Variants in APOOL observed in about 807,000 individuals in gnomAD.
APOOL encodes MICOS complex subunit MIC27.
APOOL carries 12 observed loss-of-function variants against 23.1 expected under a neutral mutation model. That is an observed-to-expected ratio of 0.52 (90% CI 0.33 to 0.84). The LOEUF is 0.84. Ranked by LOEUF, APOOL falls within the 40% of genes least tolerant of loss-of-function variation. The pLI, the probability that APOOL is intolerant of heterozygous loss-of-function variation, is 0.02. For synonymous variants in APOOL, 77 were observed against 69.9 expected (o/e 1.10, Z -0.51); for missense variants, 212 against 199.6 (o/e 1.06, Z -0.37).
chrX:85,054,378 A>G lies in APOOL; in HGVS notation c.275A>G (p.Asp92Gly), dbSNP rs776141433. Reference protein sequence around the residue: ...VYVFVKNGIMDTVQFGKDAYV... With the variant: ...VYVFVKNGIMGTVQFGKDAYV... ...GTCTTTGTGAAAAATGGGATAATGG[A>G]TACAGTACAATTTGGAAAAGGTAGG... is the stretch of plus-strand genomic sequence containing the variant. The change falls in exon 4 of 9, where the codon GAT becomes GGT. Residue 92 changes from aspartate (D) to glycine (G), a missense_variant. Transcript: ENST00000373173. 8.4e-7 allele frequency: 1 copy of G among 1,188,507 alleles called. No individual in the cohort carries two copies. The highest frequency in any genetic ancestry group is 1.9e-5 in the South Asian group (1 of 52,867).
intron 1 of APOOL, among the ~76,000 whole-genome samples, chrX:85,033,029 G>A (rs1922097402): frequency 8.9e-6 from 1 of 112,067 alleles, no homozygotes; most frequent in Non-Finnish European, 1.9e-5. Context: ...TATTGAGCCC[G>A]GAAATAGTCT....
At chrX:85,026,686 C>G (rs1250530992) in intron 1 of APOOL, among the ~76,000 whole-genome samples, 1 of 111,745 alleles carries the variant, frequency 8.9e-6, no homozygotes, top group African/African-American at 3.3e-5. Flanking sequence ...CATCAGATCC[C>G]TAGGACATGG....
chrX:85,011,441 A>G (rs1699489499), intron 1 of APOOL, among the ~76,000 whole-genome samples: 1 of 111,641 alleles, frequency 9.0e-6, no homozygotes. Context: ...AGTTTTTCTG[A>G]TGTTATCTTC....
At chrX:85,003,955 C>T in intron 1 of APOOL, 28 bp downstream of exon 1, 2 of 1,210,509 alleles carry the variant, frequency 1.7e-6, no homozygotes, top group Admixed American at 2.2e-5. Flanking sequence ...TGCTTAATTT[C>T]TGTGGGTGCC....
chrX:85,042,091 A>G (rs770660754), intron 1 of APOOL, among the ~76,000 whole-genome samples: 1 of 112,082 alleles, frequency 8.9e-6, no homozygotes, highest in South Asian at 3.7e-4. Flanking sequence ...CAGTAGAAGA[A>G]AAGAAATAAT....
At chrX:85,070,573 A>G (rs936027551) in intron 6 of APOOL, among the ~76,000 whole-genome samples, 1 of 111,977 alleles carries the variant, frequency 8.9e-6, no homozygotes, top group African/African-American at 3.2e-5. Flanking sequence ...ACAATATTTA[A>G]TTGATGAATA....
At chrX:85,042,220 A>T (rs898747233) in intron 1 of APOOL, among the ~76,000 whole-genome samples, 2 of 112,244 alleles carry the variant, frequency 1.8e-5, no homozygotes, top group Non-Finnish European at 3.8e-5. Context: ...AGACTAACAA[A>T]ACAAAAGAGA....
intron 1 of APOOL, among the ~76,000 whole-genome samples, chrX:85,031,916 A>T (rs1922050497): frequency 8.9e-6 from 1 of 112,083 alleles, no homozygotes; most frequent in African/African-American, 3.2e-5. Flanking sequence ...ATCATCTTTT[A>T]TTGGAGTGCT....
At chrX:85,028,787 G>T (rs1285779585) in intron 1 of APOOL, among the ~76,000 whole-genome samples, 1 of 110,813 alleles carries the variant, frequency 9.0e-6, no homozygotes, top group Non-Finnish European at 1.9e-5. Flanking sequence ...GAGAACATAC[G>T]ATCTTTGTCT....
chrX:85,063,472 C>G (rs1289589239), intron 5 of APOOL, among the ~76,000 whole-genome samples: 1 of 111,396 alleles, frequency 9.0e-6, no homozygotes, highest in East Asian at 2.8e-4. Flanking sequence ...CCAGCCTTTG[C>G]CCATTCATTA....
intron 5 of APOOL, among the ~76,000 whole-genome samples, chrX:85,059,597 G>A (rs1205896840): frequency 9.1e-6 from 1 of 109,436 alleles, no homozygotes; most frequent in Non-Finnish European, 1.9e-5. Context: ...GTATCTCATC[G>A]TGGTTTTGAT....
At chrX:85,077,087 A>G (rs1329177707) in intron 8 of APOOL, among the ~76,000 whole-genome samples, 1 of 100,968 alleles carries the variant, frequency 9.9e-6, no homozygotes, top group African/African-American at 3.7e-5. Context: ...ATATATATAT[A>G]TATATACACA....
At chrX:85,044,094 A>T (rs1266474234) in intron 1 of APOOL, among the ~76,000 whole-genome samples, 1 of 111,255 alleles carries the variant, frequency 9.0e-6, no homozygotes, top group Non-Finnish European at 1.9e-5. Context: ...TTGAAATGGA[A>T]CTAATGTGAC....
intron 1 of APOOL, among the ~76,000 whole-genome samples, chrX:85,008,327 C>T (rs1225473155): frequency 3.6e-5 from 4 of 111,375 alleles, no homozygotes; most frequent in African/African-American, 1.3e-4. Flanking sequence ...CAACCTCTCG[C>T]CTTTCCTTTA....
At chrX:85,063,826 C>A (rs1178984595) in intron 5 of APOOL, among the ~76,000 whole-genome samples, 4 of 110,326 alleles carry the variant, frequency 3.6e-5, no homozygotes, top group Non-Finnish European at 5.7e-5. Context: ...CTGAAGTTTT[C>A]TTTTCTTTTC....
chrX:85,014,799 G>A (rs761355155), intron 1 of APOOL, among the ~76,000 whole-genome samples: 1 of 109,255 alleles, frequency 9.2e-6, no homozygotes, highest in East Asian at 2.9e-4. Context: ...GTGTGTCTCG[G>A]TGATGATCTT....
At chrX:85,015,720 C>T (rs764179234) in intron 1 of APOOL, among the ~76,000 whole-genome samples, 1 of 109,734 alleles carries the variant, frequency 9.1e-6, no homozygotes, top group South Asian at 3.9e-4. Context: ...AGGTGTGTGC[C>T]ACCACGCACG....
At chrX:85,026,389 T>G (rs181149115) in intron 1 of APOOL, among the ~76,000 whole-genome samples, 27 of 113,190 alleles carry the variant, frequency 2.4e-4, no homozygotes, top group African/African-American at 8.3e-4. Flanking sequence ...CTTCAAGGCC[T>G]TTTCCCCATT....
rs542741378 is a variant in APOOL at position 85,006,456 on chromosome X, G to A, written c.15+2529G>A. Among the ~76,000 whole-genome samples the A allele has an allele frequency of 5.5e-5, 6 of 109,940 alleles. No homozygotes were observed. In the South Asian group the frequency reaches 2.4e-3, roughly 44 times the overall value. ...TTTCCACTCCTCCTTGCTTCCTCTG[G>A]AAAGGAGTTATACATTACTCTTTAG... On this transcript the variant is annotated intron_variant, in intron 1 of 8. Coordinates refer to ENST00000373173, the MANE Select transcript of APOOL (RefSeq NM_198450.6).
Sources: gnomAD v4.1 joint callset for allele counts (sites outside exome capture counted in the v4.1 genomes callset) on GRCh38, gnomAD v4.1.1 for gene constraint, MANE v1.5 for transcripts, NCBI Gene and HGNC (gene_info 2026-07-23, HGNC 2026-07-21) for gene names.